The following AUTS2 variants were observed in gnomAD, a reference collection of about 807,000 sequenced individuals.
AUTS2 encodes the protein activator of transcription and developmental regulator AUTS2.
A neutral mutation model predicts 112.4 loss-of-function variants in AUTS2; 17 were observed. The ratio of observed to expected loss-of-function variants is 0.15; its 90% CI spans 0.10 to 0.23. The LOEUF is 0.23. Ranked by LOEUF, AUTS2 falls within the 10% of genes least tolerant of loss-of-function variation. AUTS2 has a pLI of 1.00. For missense variants in AUTS2, 1,510 were observed against 1,701.6 expected (o/e 0.89, Z 1.98); for synonymous variants, 751 against 702.7 (o/e 1.07, Z -1.09).
At chr7:70,634,362 G>A (rs1051570131) in intron 5 of AUTS2, among the ~76,000 whole-genome samples, 3 of 152,196 alleles carry the variant, frequency 2.0e-5, no homozygotes, top group Non-Finnish European at 4.4e-5. Context: ...AGTGTGCCTG[G>A]GGCTTTTATC....
intron 5 of AUTS2, among the ~76,000 whole-genome samples, chr7:70,626,494 T>C (rs1455483613): frequency 6.6e-6 from 1 of 152,094 alleles, no homozygotes; most frequent in African/African-American, 2.4e-5. Context: ...ATATATTTTT[T>C]AAATAACTCA....
intron 4 of AUTS2, among the ~76,000 whole-genome samples, chr7:70,241,731 A>G (rs868148888): frequency 6.6e-6 from 1 of 152,240 alleles, no homozygotes; most frequent in Non-Finnish European, 1.5e-5. Flanking sequence ...CTTAATGCAC[A>G]TAAGGTCAGG....
At chr7:69,739,311 T>A (rs1787166528) in intron 1 of AUTS2, among the ~76,000 whole-genome samples, 1 of 152,178 alleles carries the variant, frequency 6.6e-6, no homozygotes, top group Admixed American at 6.5e-5. Flanking sequence ...CCACTTCTAT[T>A]ACTAATAACT....
chr7:70,181,443 C>T (rs889558791), intron 4 of AUTS2, among the ~76,000 whole-genome samples: 14 of 151,634 alleles, frequency 9.2e-5, no homozygotes, highest in African/African-American at 3.4e-4. Flanking sequence ...TTTTATTTCA[C>T]TCCTCCTTTG....
At chr7:70,409,971 C>T (rs1794703774) in intron 4 of AUTS2, among the ~76,000 whole-genome samples, 1 of 152,188 alleles carries the variant, frequency 6.6e-6, no homozygotes, top group East Asian at 1.9e-4. Flanking sequence ...ACAGTGAGAA[C>T]AGTTGAGTGC....
chr7:70,015,072 G>A (rs1212562202), intron 2 of AUTS2, among the ~76,000 whole-genome samples: 1 of 152,124 alleles, frequency 6.6e-6, no homozygotes, highest in Non-Finnish European at 1.5e-5. Context: ...GTTGCTTTTT[G>A]TAACCCGACA....
intron 2 of AUTS2, among the ~76,000 whole-genome samples, chr7:70,046,832 C>T (rs1231383196): frequency 2.0e-5 from 3 of 152,150 alleles, no homozygotes; most frequent in Non-Finnish European, 4.4e-5. Context: ...ATGATGACCT[C>T]TTAATCTTGT....
intron 5 of AUTS2, among the ~76,000 whole-genome samples, chr7:70,624,338 C>G (rs1804828761): frequency 6.6e-6 from 1 of 152,144 alleles, no homozygotes; most frequent in Admixed American, 6.6e-5. Flanking sequence ...CAACTCAGCA[C>G]TCATTTATAT....
At chr7:70,458,780 T>A (rs1351967501) in intron 5 of AUTS2, among the ~76,000 whole-genome samples, 3 of 152,210 alleles carry the variant, frequency 2.0e-5, no homozygotes, top group African/African-American at 7.2e-5. Flanking sequence ...GGAGCTTGTG[T>A]TTTCTCGCTA....
At position 70,214,336 on chromosome 7, in the gene AUTS2, T is replaced by C. The variant is rs556803392; in HGVS notation, c.660+79765T>C. 6.6e-5 allele frequency among the ~76,000 whole-genome samples: 10 copies of C among 152,352 alleles called. No individual in the cohort carries two copies. In the South Asian group the frequency reaches 1.5e-3, roughly 22 times the overall value. ...TTTTTCTTTCTCTTTTCTCCCAAGC[T>C]CATTCTTGCACTGCAACATTCCACT... On this transcript the variant is annotated intron_variant, in intron 4 of 18. Coordinates refer to ENST00000342771, the MANE Select transcript of AUTS2 (RefSeq NM_015570.4).
intron 2 of AUTS2, among the ~76,000 whole-genome samples, chr7:69,996,668 A>G (rs1798954302): frequency 6.6e-6 from 1 of 152,070 alleles, no homozygotes; most frequent in Admixed American, 6.5e-5. Flanking sequence ...GTTATACTAC[A>G]CTTATTCAGG....
chr7:69,614,314 C>CTCTTTCTTTCTTTCTT (rs763131370), intron 1 of AUTS2, among the ~76,000 whole-genome samples: 5,662 of 83,266 alleles, frequency 0.068, 766 homozygotes, highest in Middle Eastern at 0.11. Flanking sequence ...CACTCTCCGT[C>CTCTTTCTTTCTTTCTT]TCTTTCTTTC....
chr7:70,593,466 C>T (rs977370149), intron 5 of AUTS2, among the ~76,000 whole-genome samples: 1 of 152,132 alleles, frequency 6.6e-6, no homozygotes, highest in Non-Finnish European at 1.5e-5. Flanking sequence ...TTCCCCTCTC[C>T]TAGGCCCTTA....
chr7:70,109,494 A>G (rs968873065), intron 2 of AUTS2, among the ~76,000 whole-genome samples: 3 of 152,162 alleles, frequency 2.0e-5, no homozygotes, highest in Non-Finnish European at 4.4e-5. Flanking sequence ...ATTCTTGTAC[A>G]TCTTTTTTTC....
intron 6 of AUTS2, among the ~76,000 whole-genome samples, chr7:70,721,279 CGTGTGTGTGTGTGTGTGTGT>C (rs55885084): frequency 7.1e-6 from 1 of 140,052 alleles, no homozygotes; most frequent in Non-Finnish European, 1.5e-5. Flanking sequence ...GAATTTCATT[CGTGTGTGTGTGTGTGTGTGT>C]GTGTGTGTGT....
At chr7:69,898,389 A>C (rs1462802731) in intron 1 of AUTS2, among the ~76,000 whole-genome samples, 2 of 152,082 alleles carry the variant, frequency 1.3e-5, no homozygotes, top group Non-Finnish European at 2.9e-5. Flanking sequence ...GGATATTTGC[A>C]TGTATGTGGT....
chr7:70,305,350 C>T (rs1370535228), intron 4 of AUTS2, among the ~76,000 whole-genome samples: 1 of 151,844 alleles, frequency 6.6e-6, no homozygotes, highest in Non-Finnish European at 1.5e-5. Flanking sequence ...AAATGTCACA[C>T]CTTTTTGGTT....
chr7:70,540,290 CCT>C (rs1800498462), intron 5 of AUTS2, among the ~76,000 whole-genome samples: 1 of 152,184 alleles, frequency 6.6e-6, no homozygotes, highest in Admixed American at 6.5e-5. Context: ...TTGCTACCAT[CCT>C]CTCTCTTTGG....
intron 2 of AUTS2, among the ~76,000 whole-genome samples, chr7:69,904,927 G>C (rs1213915615): frequency 2.6e-5 from 4 of 152,148 alleles, no homozygotes; most frequent in Non-Finnish European, 5.9e-5. Flanking sequence ...TTTAACATCA[G>C]GTAATTGAAG....
Sources: gnomAD v4.1 joint callset for allele counts (sites outside exome capture counted in the v4.1 genomes callset) on GRCh38, gnomAD v4.1.1 for gene constraint, MANE v1.5 for transcripts, NCBI Gene and HGNC (gene_info 2026-07-23, HGNC 2026-07-21) for gene names.